Variants in CSMD1 observed in about 807,000 individuals in gnomAD.
CSMD1 encodes the protein CUB and sushi domain-containing protein 1.
A neutral mutation model predicts 417.5 loss-of-function variants in CSMD1; 213 were observed. That is an observed-to-expected ratio of 0.51 (90% CI 0.46 to 0.57). The LOEUF (loss-of-function observed/expected upper bound fraction) is 0.57. Among genes scored for constraint, CSMD1 ranks in the 20% least tolerant of loss-of-function variants. CSMD1 has a pLI of 0.00. For missense variants in CSMD1, 6,923 were observed against 4,529.7 expected, an observed-to-expected ratio of 1.53 and a Z score of -15.17; for synonymous variants, 2,862 against 1,736.8, an observed-to-expected ratio of 1.65 and a Z score of -16.11.
At chr8:4,987,130 C>T (rs1036601662) in intron 1 of CSMD1, among the ~76,000 whole-genome samples, 9 of 152,128 alleles carry the variant, frequency 5.9e-5, no homozygotes, top group African/African-American at 2.2e-4. Flanking sequence ...TACGTGTATT[C>T]TCTGTATCAG....
intron 23 of CSMD1, among the ~76,000 whole-genome samples, chr8:3,325,885 A>G (rs1806495784): frequency 6.6e-6 from 1 of 152,224 alleles, no homozygotes; most frequent in Non-Finnish European, 1.5e-5. Context: ...AACAATGTGA[A>G]TCCACTATCA....
At chr8:3,816,819 G>C (rs898355331) in intron 5 of CSMD1, among the ~76,000 whole-genome samples, 4 of 151,994 alleles carry the variant, frequency 2.6e-5, no homozygotes, top group African/African-American at 7.2e-5. Context: ...GGTACTATTT[G>C]TGGTTTCAGG....
chr8:4,943,795 A>C (rs1410949577), intron 1 of CSMD1, among the ~76,000 whole-genome samples: 1 of 152,164 alleles, frequency 6.6e-6, no homozygotes, highest in Non-Finnish European at 1.5e-5. Flanking sequence ...GTTAGAAAAA[A>C]TCCCTTATGA....
Position 3,308,487 on chromosome 8 carries a change from T to G in CSMD1, c.3648A>C (p.Lys1216Asn). 6.2e-7 allele frequency: 1 copy of G among 1,612,046 alleles called. No individual in the cohort carries two copies. Among genetic ancestry groups the G allele is most frequent in the African/African-American group, 1.3e-5 (1 of 74,998 alleles). ...AGTTAGGGATGCCCGGATCCTCACA[T>G]TTTACCAGATCAAAACCTGCAAGAG... is the stretch of plus-strand genomic sequence containing the variant. ...QLTYTSFDLV[K>N]CEDPGIPNYG... Residue 1216 changes from lysine (K) to asparagine (N), a missense_variant, in exon 24 of 70, where the codon AAA (lysine) becomes AAC (asparagine). Lys to Asn is a moderately conservative substitution (Grantham distance 94, BLOSUM62 0). Coordinates refer to ENST00000635120, the MANE Select transcript of CSMD1 (RefSeq NM_033225.6).
intron 10 of CSMD1, among the ~76,000 whole-genome samples, chr8:3,501,098 T>C (rs1392525685): frequency 6.6e-6 from 1 of 152,186 alleles, no homozygotes; most frequent in Admixed American, 6.5e-5. Flanking sequence ...ATATACTATA[T>C]AGTTTCAATT....
intron 1 of CSMD1, among the ~76,000 whole-genome samples, chr8:4,660,869 C>G (rs1486825477): frequency 6.6e-6 from 1 of 152,088 alleles, no homozygotes; most frequent in African/African-American, 2.4e-5. Flanking sequence ...AAAAGGTACT[C>G]AACAACATTA....
Position 3,931,327 on chromosome 8 carries a change from C to T in CSMD1, c.818+66576G>A, listed in dbSNP as rs1042524415. Among the ~76,000 whole-genome samples, 4 of 150,410 alleles carry T rather than the reference C, an allele frequency of 2.7e-5. 1 individual carries two copies. Among genetic ancestry groups the T allele is most frequent in the Non-Finnish European group, 4.4e-5 (3 of 67,546 alleles). ...AATAAAATATTTAAGAACTAGAAGT[C>T]AGCAGAAAAGGGCCACTCTCTCTCC... On this transcript the variant is annotated intron_variant, in intron 5 of 69. Transcript: ENST00000635120.
chr8:4,420,670 G>A (rs1797199767), intron 2 of CSMD1, among the ~76,000 whole-genome samples: 2 of 152,198 alleles, frequency 1.3e-5, no homozygotes, highest in South Asian at 2.1e-4. Flanking sequence ...TCCAAGCTGT[G>A]CTCTTAGGAA....
At chr8:4,795,419 C>T (rs528245097) in intron 1 of CSMD1, among the ~76,000 whole-genome samples, 2 of 151,268 alleles carry the variant, frequency 1.3e-5, no homozygotes, top group South Asian at 2.1e-4. Context: ...TTACAGGTAC[C>T]CAGCACCACG....
At chr8:4,010,556 A>T (rs911150788) in intron 4 of CSMD1, among the ~76,000 whole-genome samples, 2 of 152,022 alleles carry the variant, frequency 1.3e-5, no homozygotes, top group African/African-American at 2.4e-5. Flanking sequence ...TCTCACTACC[A>T]GTAAGGCATC....
intron 5 of CSMD1, among the ~76,000 whole-genome samples, chr8:3,885,915 GA>G (rs1215669252): frequency 6.6e-6 from 1 of 151,768 alleles, no homozygotes; most frequent in Non-Finnish European, 1.5e-5. Context: ...GTTAATCTGT[GA>G]ATAAATATAA....
At chr8:4,841,722 C>T (rs1158106109) in intron 1 of CSMD1, among the ~76,000 whole-genome samples, 1 of 151,660 alleles carries the variant, frequency 6.6e-6, no homozygotes, top group Non-Finnish European at 1.5e-5. Context: ...ACAAGCCTGA[C>T]CAACATGGTG....
rs145319254 is a variant in CSMD1 at position 3,786,034 on chromosome 8, G to T, written c.819-31992C>A. 6.6e-5 allele frequency among the ~76,000 whole-genome samples: 10 copies of T among 152,234 alleles called. No homozygotes were observed. In the East Asian group the frequency reaches 9.7e-4, roughly 15 times the overall value. On this transcript the variant is annotated intron_variant, in intron 5 of 69. Transcript: ENST00000635120. Reference sequence around the variant, plus strand: ...GGCATTGGGGTGAAGAAAATTAGAAGGACGGAAGAAGTGATGTTTGGGAGG... The same window carrying T: ...GGCATTGGGGTGAAGAAAATTAGAATGACGGAAGAAGTGATGTTTGGGAGG...
intron 12 of CSMD1, among the ~76,000 whole-genome samples, chr8:3,412,727 T>C (rs1239411008): frequency 6.6e-6 from 1 of 152,204 alleles, no homozygotes; most frequent in Non-Finnish European, 1.5e-5. Flanking sequence ...ACAAGCCAAA[T>C]ACATCTATAG....
chr8:3,628,345 C>T (rs150233644), intron 7 of CSMD1, among the ~76,000 whole-genome samples: 16 of 152,276 alleles, frequency 1.1e-4, no homozygotes, highest in Non-Finnish European at 1.6e-4. Context: ...CCACACCGGC[C>T]GAGGGTGACC....
chr8:3,628,866 A>G (rs1296385070), intron 7 of CSMD1, among the ~76,000 whole-genome samples: 1 of 127,274 alleles, frequency 7.9e-6, no homozygotes, highest in African/African-American at 2.8e-5. Flanking sequence ...CAAATAATCT[A>G]AGTTTTTTTA....
chr8:4,643,998 A>T (rs1292436556), intron 1 of CSMD1, among the ~76,000 whole-genome samples: 1 of 152,186 alleles, frequency 6.6e-6, no homozygotes, highest in Non-Finnish European at 1.5e-5. Context: ...TTACTCCCAA[A>T]CACTTATGGG....
At chr8:4,070,438 A>G (rs149211322) in intron 3 of CSMD1, among the ~76,000 whole-genome samples, 46 of 151,978 alleles carry the variant, frequency 3.0e-4, no homozygotes, top group African/African-American at 2.4e-4. Flanking sequence ...GCTCACTGCA[A>G]GCTCCGCCTC....
intron 5 of CSMD1, among the ~76,000 whole-genome samples, chr8:3,800,772 C>T (rs902359126): frequency 9.2e-5 from 14 of 151,976 alleles, no homozygotes; most frequent in Non-Finnish European, 2.1e-4. Context: ...TAAGCAAATT[C>T]CCTCCTCATG....
Sources: gnomAD v4.1 joint callset for allele counts (sites outside exome capture counted in the v4.1 genomes callset) on GRCh38, gnomAD v4.1.1 for gene constraint, MANE v1.5 for transcripts, NCBI Gene and HGNC (gene_info 2026-07-23, HGNC 2026-07-21) for gene names.